SDK2: variants seen among roughly 807,000 people sequenced by gnomAD.
SDK2 encodes sidekick cell adhesion molecule 2.
In SDK2, 105 loss-of-function variants were observed where a neutral mutation model predicts 253.9. The observed-to-expected ratio is 0.41, with a 90% CI of 0.35 to 0.49. SDK2 has a LOEUF of 0.49. Ranked by LOEUF, SDK2 falls within the 20% of genes least tolerant of loss-of-function variation. SDK2 has a pLI of 0.06. For missense variants in SDK2, 2,608 were observed against 3,003.0 expected (o/e 0.87, Z 3.07); for synonymous variants, 1,249 against 1,234.9 (o/e 1.01, Z -0.24).
At chr17:73,370,475 T>A (rs188215827) in intron 36 of SDK2, among the ~76,000 whole-genome samples, 16 of 152,102 alleles carry the variant, frequency 1.1e-4, no homozygotes, top group African/African-American at 3.9e-4. Flanking sequence ...ACTCCTGGGC[T>A]CAAGCGATCC....
intron 1 of SDK2, among the ~76,000 whole-genome samples, chr17:73,532,919 G>C (rs764536875): frequency 1.3e-5 from 2 of 152,152 alleles, no homozygotes; most frequent in Non-Finnish European, 2.9e-5. Flanking sequence ...TGTGGCCCTC[G>C]GCACAGCGGT....
chr17:73,613,522 A>G (rs1335974354), intron 1 of SDK2, among the ~76,000 whole-genome samples: 1 of 151,936 alleles, frequency 6.6e-6, no homozygotes, highest in African/African-American at 2.4e-5. Context: ...TCCGCTTTCC[A>G]TGGCTGTCAG....
intron 2 of SDK2, among the ~76,000 whole-genome samples, chr17:73,483,637 A>ATGTG (rs1567799085): frequency 1.9e-5 from 1 of 53,090 alleles, no homozygotes; most frequent in African/African-American, 7.0e-5. Context: ...ATATGTATAT[A>ATGTG]TATATGTGTG....
At chr17:73,411,129 T>A (rs2063122702) in intron 18 of SDK2, among the ~76,000 whole-genome samples, 1 of 152,092 alleles carries the variant, frequency 6.6e-6, no homozygotes, top group Non-Finnish European at 1.5e-5. Context: ...AGAATTCAGC[T>A]GCTGCTCCCT....
At chr17:73,389,147 C>T (rs1342520550) in intron 29 of SDK2, among the ~76,000 whole-genome samples, 1 of 149,600 alleles carries the variant, frequency 6.7e-6, no homozygotes, top group Non-Finnish European at 1.5e-5. Flanking sequence ...GCTGGGACTA[C>T]AGATGTACAC....
intron 40 of SDK2, chr17:73,357,871 G>A (rs79421907): frequency 0.063 from 47,041 of 745,396 alleles, 1,750 homozygotes; most frequent in South Asian, 0.11. Context: ...GTTCTCTGGG[G>A]GCCTCCTGGG....
At chr17:73,363,409 G>A (rs1348093293) in intron 38 of SDK2, among the ~76,000 whole-genome samples, 2 of 152,226 alleles carry the variant, frequency 1.3e-5, no homozygotes, top group Non-Finnish European at 2.9e-5. Flanking sequence ...TGTAGGCTCA[G>A]AGGGGCTTCC....
At chr17:73,486,751 C>CTGAAGCAGGGTGACAGGAAGTGGG (rs2063771998) in intron 2 of SDK2, among the ~76,000 whole-genome samples, 1 of 151,752 alleles carries the variant, frequency 6.6e-6, no homozygotes, top group South Asian at 2.1e-4. Flanking sequence ...GCAGAGTTAA[C>CTGAAGCAGGGTGACAGGAAGTGGG]TGAAGCAGGG....
intron 36 of SDK2, among the ~76,000 whole-genome samples, chr17:73,369,813 T>A (rs975419730): frequency 4.6e-5 from 7 of 152,068 alleles, no homozygotes; most frequent in Non-Finnish European, 7.4e-5. Flanking sequence ...GCCCGGCTAA[T>A]TTTTGGATTT....
intron 1 of SDK2, among the ~76,000 whole-genome samples, chr17:73,510,964 G>T (rs1303553630): frequency 6.6e-6 from 1 of 152,184 alleles, no homozygotes; most frequent in Non-Finnish European, 1.5e-5. Flanking sequence ...AGGGGCACTT[G>T]TGCCTCCAGG....
In SDK2 at chr17:73,511,527, T is replaced by C. The variant is rs995651849; in HGVS notation, c.65-3930A>G. ...GGTTGACTCCAGAGGCTGCTGGAGA[T>C]AATGACTCTGGGGAGGAGGAGAGGG... is the stretch of plus-strand genomic sequence containing the variant. On this transcript the variant is annotated intron_variant, in intron 1 of 44. Transcript: ENST00000392650. This position sits in a 1 kb window ranked among gnomAD's most constrained non-coding sequence, Gnocchi z 4.9. Among the ~76,000 whole-genome samples the C allele has an allele frequency of 1.3e-4, 20 of 152,086 alleles. No individual in the cohort carries two copies. The highest frequency in any genetic ancestry group is 2.5e-4 in the Non-Finnish European group (17 of 68,006).
intron 2 of SDK2, among the ~76,000 whole-genome samples, chr17:73,482,878 G>A (rs937418390): frequency 2.6e-5 from 4 of 152,216 alleles, no homozygotes; most frequent in Non-Finnish European, 5.9e-5. Context: ...CACAGTAGCA[G>A]CATCGGGTTG....
rs139667695 is a variant in SDK2 at position 73,432,801 on chromosome 17, CAT to C, written c.1312+929_1312+930del. On this transcript the variant is annotated intron_variant, in intron 10 of 44. Transcript: ENST00000392650. ...GCACATGTGTATGTACATGTGTGTGCATATGTGTGCACATGTGTATGTACGTG... is the reference window on the plus strand; with the variant it reads ...GCACATGTGTATGTACATGTGTGTGCATGTGTGCACATGTGTATGTACGTG... Among the ~76,000 whole-genome samples the C allele has an allele frequency of 3.1e-3, 468 of 152,048 alleles. 12 individuals carry two copies. The East Asian group carries it at 0.065, about 21-fold the overall frequency.
chr17:73,480,376 AT>A (rs1450546845), intron 2 of SDK2, among the ~76,000 whole-genome samples: 5 of 152,158 alleles, frequency 3.3e-5, no homozygotes, highest in African/African-American at 4.8e-5. Flanking sequence ...CTAAATTTTG[AT>A]CTAGGCCATG....
Position 73,398,016 on chromosome 17 carries a change from G to T in SDK2, c.3354+19C>A. The T allele has an allele frequency of 6.2e-7, 1 of 1,606,990 alleles. No individual in the cohort carries two copies. Among genetic ancestry groups the T allele is most frequent in the South Asian group, 1.1e-5 (1 of 90,950 alleles). ...AAGCTCATGGAGAGGTCCCACCCCT[G>T]CCCTCGAGGGAGCCTTACCATCCAG... On this transcript the variant is annotated intron_variant, in intron 24 of 44. Transcript: ENST00000392650.
intron 1 of SDK2, among the ~76,000 whole-genome samples, chr17:73,547,527 G>C (rs1219639088): frequency 6.6e-6 from 1 of 152,178 alleles, no homozygotes; most frequent in African/African-American, 2.4e-5. Flanking sequence ...GGTACAGATC[G>C]GGGGATGGGG....
chr17:73,521,720 G>A (rs934005755), intron 1 of SDK2, among the ~76,000 whole-genome samples: 2 of 152,176 alleles, frequency 1.3e-5, no homozygotes, highest in Non-Finnish European at 2.9e-5. Flanking sequence ...TTGGGGGCGG[G>A]GGTGAGCCCC....
Position 73,368,431 on chromosome 17 carries a change from T to A in SDK2, c.5143A>T (p.Thr1715Ser). ...AAGDGPRSTP[T>S]QGQTQQAAPS... ...CCTGCTTGCTGGGTCTGGCCTTGGGTGGGGGTGCTCCGAGGCCCATCCCCA... is the reference window on the plus strand; with the variant it reads ...CCTGCTTGCTGGGTCTGGCCTTGGGAGGGGGTGCTCCGAGGCCCATCCCCA... Residue 1715 changes from threonine to serine, a missense_variant, in exon 37 of 45, where the codon ACC becomes TCC. This residue lies in a region of SDK2 where 1,103 missense variants were observed against 1,143.9 expected (regional missense o/e 0.96). Coordinates refer to ENST00000392650, the MANE Select transcript of SDK2 (RefSeq NM_001144952.2). 1 of 1,586,776 alleles carries A rather than the reference T, an allele frequency of 6.3e-7. No homozygotes were observed.
At position 73,447,737 on chromosome 17, in the gene SDK2, A is replaced by G. The variant is rs1456681435; in HGVS notation, c.491T>C (p.Leu164Pro). Residue 164 changes from leucine to proline, a missense_variant, in exon 5 of 45, where the codon CTG (leucine) becomes CCG (proline). By Grantham distance (98) the Leu-to-Pro change is moderately conservative. Coordinates refer to ENST00000392650, the MANE Select transcript of SDK2 (RefSeq NM_001144952.2). The surrounding 1 kb of genome is among the most constrained non-coding windows in gnomAD (Gnocchi z 4.0). Reference protein sequence around the residue: ...IPPSSRIAITLENTLVILSTV... With the variant: ...IPPSSRIAITPENTLVILSTV... ...TGACAGGATGACAAGGGTGTTCTCC[A>G]GCGTGATGGCTCTGGGAAGAGGAAA... 1.0e-5 allele frequency: 16 copies of G among 1,551,574 alleles called. No homozygotes were observed. Among genetic ancestry groups the G allele is most frequent in the Non-Finnish European group, 1.4e-5 (16 of 1,147,018 alleles).
Sources: allele counts gnomAD v4.1 joint callset (sites outside exome capture counted in the v4.1 genomes callset), GRCh38; gene constraint gnomAD v4.1.1; regional missense constraint gnomAD v4.1.1; non-coding constraint Gnocchi (gnomAD v3.1); transcripts MANE v1.5; gene names NCBI Gene and HGNC (gene_info 2026-07-23, HGNC 2026-07-21).